Variants in PALM2AKAP2 observed in about 807,000 individuals in gnomAD.
The protein encoded by PALM2AKAP2 is PALM2-AKAP2 fusion protein.
PALM2AKAP2 carries 37 observed loss-of-function variants against 71.5 expected under a neutral mutation model. The ratio of observed to expected loss-of-function variants is 0.52; its 90% CI spans 0.40 to 0.68. PALM2AKAP2 has a LOEUF of 0.68. PALM2AKAP2 is among the 30% of genes least tolerant of loss of function. The probability of loss-of-function intolerance (pLI) is 0.00; values close to 1 mark genes in which losing one functional copy is unlikely to be tolerated. For synonymous variants in PALM2AKAP2, 468 were observed against 478.8 expected (o/e 0.98, Z 0.29); for missense variants, 1,224 against 1,191.8 (o/e 1.03, Z -0.40).
intron 6 of PALM2AKAP2, among the ~76,000 whole-genome samples, chr9:109,937,358 G>A (rs1831247577): frequency 6.6e-6 from 1 of 152,088 alleles, no homozygotes; most frequent in East Asian, 1.9e-4. Context: ...TACTCCTTCA[G>A]GGCGTTTCCC....
intron 6 of PALM2AKAP2, among the ~76,000 whole-genome samples, chr9:109,932,739 A>T (rs1831134162): frequency 6.6e-6 from 1 of 152,252 alleles, no homozygotes; most frequent in South Asian, 2.1e-4. Context: ...CTACACAGAA[A>T]TGTGCTGAGG....
At chr9:110,011,434 G>A (rs1456736865) in intron 6 of PALM2AKAP2, among the ~76,000 whole-genome samples, 1 of 151,880 alleles carries the variant, frequency 6.6e-6, no homozygotes, top group Non-Finnish European at 1.5e-5. Flanking sequence ...TTAGTCGAGG[G>A]GAAACTCTTC....
At chr9:109,867,634 T>A in intron 2 of PALM2AKAP2, 63 bp downstream of exon 2, 1 of 1,537,210 alleles carries the variant, frequency 6.5e-7, no homozygotes. Context: ...TCCGGAGAGC[T>A]GGGCAGTGCC....
intron 1 of PALM2AKAP2, among the ~76,000 whole-genome samples, chr9:109,750,787 C>T (rs1828877865): frequency 6.6e-6 from 1 of 152,126 alleles, no homozygotes; most frequent in Admixed American, 6.6e-5. Context: ...TGGCAATCAA[C>T]TTAAGACATT....
At chr9:109,786,811 C>A (rs569552187) in intron 1 of PALM2AKAP2, among the ~76,000 whole-genome samples, 1 of 151,986 alleles carries the variant, frequency 6.6e-6, no homozygotes, top group Admixed American at 6.5e-5. Context: ...AAAAAAAAGT[C>A]ATCATAGAAA....
intron 6 of PALM2AKAP2, among the ~76,000 whole-genome samples, chr9:110,007,626 T>C (rs941761694): frequency 6.6e-6 from 1 of 152,180 alleles, no homozygotes; most frequent in Non-Finnish European, 1.5e-5. Flanking sequence ...CTATGCAAAC[T>C]TCTGCCTTTT....
intron 1 of PALM2AKAP2, among the ~76,000 whole-genome samples, chr9:110,113,256 TTGA>T (rs1564311953): frequency 8.5e-6 from 1 of 117,592 alleles, no homozygotes; most frequent in African/African-American, 2.8e-5. Context: ...TTTTTTTTTT[TTGA>T]GATGGAATCT....
intron 3 of PALM2AKAP2, among the ~76,000 whole-genome samples, chr9:109,906,215 G>T (rs540048341): frequency 6.6e-6 from 1 of 152,080 alleles, no homozygotes; most frequent in East Asian, 1.9e-4. Context: ...GCGGGGGTAG[G>T]GGGGATGGAA....
intron 6 of PALM2AKAP2, among the ~76,000 whole-genome samples, chr9:109,985,665 T>A (rs1354961028): frequency 6.6e-6 from 1 of 151,150 alleles, no homozygotes; most frequent in East Asian, 1.9e-4. Flanking sequence ...TCTTTTTTTT[T>A]TTTTTTAACA....
At chr9:109,885,832 C>T (rs1051106448) in intron 3 of PALM2AKAP2, among the ~76,000 whole-genome samples, 1 of 152,192 alleles carries the variant, frequency 6.6e-6, no homozygotes, top group Non-Finnish European at 1.5e-5. Context: ...TAAAGATGAT[C>T]CAGGTCAGGA....
chr9:109,800,996 T>G (rs1267832629), intron 1 of PALM2AKAP2, among the ~76,000 whole-genome samples: 1 of 152,178 alleles, frequency 6.6e-6, no homozygotes, highest in Admixed American at 6.5e-5. Context: ...TGTATAGCAG[T>G]AAAACTTTCA....
intron 1 of PALM2AKAP2, among the ~76,000 whole-genome samples, chr9:109,853,724 C>T (rs1376324162): frequency 6.6e-6 from 1 of 152,196 alleles, no homozygotes; most frequent in East Asian, 1.9e-4. Context: ...GCCAAATTAT[C>T]CTCTAGAAAG....
chr9:109,694,178 T>G (rs988055374), intron 1 of PALM2AKAP2, among the ~76,000 whole-genome samples: 2 of 152,040 alleles, frequency 1.3e-5, no homozygotes, highest in Non-Finnish European at 2.9e-5. Context: ...ATCAAGAAAG[T>G]GTATATACTA....
At chr9:110,068,085 C>CTTTT (rs1166191446) in intron 1 of PALM2AKAP2, among the ~76,000 whole-genome samples, 22 of 93,978 alleles carry the variant, frequency 2.3e-4, no homozygotes, top group Middle Eastern at 5.6e-3. Flanking sequence ...ATGTTCCAAA[C>CTTTT]TCTTTTTTTT....
rs546783247 is a variant in PALM2AKAP2, at chr9:109,654,188, G to A, written c.5+13322G>A. 2.0e-5 allele frequency among the ~76,000 whole-genome samples: 3 copies of A among 152,034 alleles called. No homozygotes were observed. In the East Asian group the frequency reaches 5.8e-4, roughly 29 times the overall value. Reference sequence around the variant, plus strand: ...ATGTGGCTGTAAGCCATAATATCTTGGTATAAATCTCTAGTTATGATTATA... The same window carrying A: ...ATGTGGCTGTAAGCCATAATATCTTAGTATAAATCTCTAGTTATGATTATA... On this transcript the variant is annotated intron_variant, in intron 1 of 6. Coordinates refer to the PALM2AKAP2 transcript ENST00000374531.
intron 1 of PALM2AKAP2, among the ~76,000 whole-genome samples, chr9:109,692,785 C>T (rs927041172): frequency 6.6e-6 from 1 of 151,880 alleles, no homozygotes; most frequent in African/African-American, 2.4e-5. Context: ...TGGGGATGAA[C>T]CTCCCTTGGT....
intron 1 of PALM2AKAP2, among the ~76,000 whole-genome samples, chr9:109,759,649 T>C (rs1272050663): frequency 6.6e-6 from 1 of 152,288 alleles, no homozygotes; most frequent in East Asian, 1.9e-4. Context: ...TTTAGGCCCA[T>C]TTTAAATGCG....
intron 6 of PALM2AKAP2, among the ~76,000 whole-genome samples, chr9:109,964,687 C>G (rs542026357): frequency 6.6e-6 from 1 of 152,148 alleles, no homozygotes; most frequent in Admixed American, 6.5e-5. Flanking sequence ...TATACCTCAG[C>G]TGGGAACTTG....
intron 1 of PALM2AKAP2, among the ~76,000 whole-genome samples, chr9:109,736,872 CAT>C (rs1311579568): frequency 6.6e-6 from 1 of 152,160 alleles, no homozygotes; most frequent in African/African-American, 2.4e-5. Context: ...TTACAGCTAA[CAT>C]GTGGTGTGAA....
Sources: gnomAD v4.1 joint callset for allele counts (sites outside exome capture counted in the v4.1 genomes callset) on GRCh38, gnomAD v4.1.1 for gene constraint, MANE v1.5 for transcripts, NCBI Gene and HGNC (gene_info 2026-07-23, HGNC 2026-07-21) for gene names.